DNAJB6: variants seen among roughly 807,000 people sequenced by gnomAD.
DNAJB6 encodes DnaJ heat shock protein family (Hsp40) member B6.
A neutral mutation model predicts 42.7 loss-of-function variants in DNAJB6; 16 were observed. The observed-to-expected ratio is 0.37, with a 90% CI of 0.25 to 0.57. The LOEUF (loss-of-function observed/expected upper bound fraction) is 0.57. Ranked by LOEUF, DNAJB6 falls within the 20% of genes least tolerant of loss-of-function variation. The pLI, the probability that DNAJB6 is intolerant of heterozygous loss-of-function variation, is 0.74. For missense variants in DNAJB6, 347 were observed against 416.8 expected, an observed-to-expected ratio of 0.83 and a Z score of 1.46; for synonymous variants, 170 against 163.5, an observed-to-expected ratio of 1.04 and a Z score of -0.30.
chr7:157,351,667 AAAC>A (rs1015447270), intron 1 of DNAJB6, among the ~76,000 whole-genome samples: 27 of 150,758 alleles, frequency 1.8e-4, no homozygotes, highest in African/African-American at 6.4e-4. Context: ...ACAACAAAAA[AAAC>A]CACAAAACTT....
chr7:157,372,011 AGAG>A (rs1438672073), intron 5 of DNAJB6: 2 of 152,288 alleles, frequency 1.3e-5, no homozygotes, highest in Non-Finnish European at 2.9e-5. Flanking sequence ...CTGTAGCAAT[AGAG>A]GAGGAGTCCT....
chr7:157,380,192 G>A (rs1482132117), intron 5 of DNAJB6: 1 of 152,152 alleles, frequency 6.6e-6, no homozygotes, highest in African/African-American at 2.4e-5. Context: ...TATTTGTAAT[G>A]TTTGTTTCTT....
At chr7:157,361,081 C>T (rs546253146) in intron 2 of DNAJB6, among the ~76,000 whole-genome samples, 2 of 151,484 alleles carry the variant, frequency 1.3e-5, no homozygotes, top group African/African-American at 4.8e-5. Context: ...ATCATTTTTT[C>T]TCTTTTGTCT....
chr7:157,388,789 A>T lies in DNAJB6; in HGVS notation c.691+3178A>T, dbSNP rs1426478667. On this transcript the variant is annotated intron_variant, in intron 8 of 9. Transcript: ENST00000262177. ...CATCCTTTTGTCTGGAGGGCTCAAT[A>T]ATCTGTATTTTTGTCATCTCCTGTT... Among the ~76,000 whole-genome samples, 7 of 152,020 alleles carry T rather than the reference A, an allele frequency of 4.6e-5. No homozygotes were observed. The East Asian group carries it at 1.3e-3, about 29-fold the overall frequency.
Position 157,382,373 on chromosome 7 carries a change from T to A in DNAJB6, c.474T>A (p.Asp158Glu). 1 of 1,608,848 alleles carries A rather than the reference T, an allele frequency of 6.2e-7. No individual in the cohort carries two copies. The change falls in exon 6 of 10, where the codon GAT (aspartate) becomes GAA (glutamate). Residue 158 changes from aspartate (D) to glutamate (E), a missense_variant. Asp to Glu is a conservative substitution (Grantham distance 45, BLOSUM62 2). Coordinates refer to ENST00000262177, the MANE Select transcript of DNAJB6 (RefSeq NM_058246.4). ...PSFGSGFSSF[D>E]TGFTSFGSLG... ...TTGGAAGTGGATTTTCTTCTTTTGATACAGGTATTAAATCCCTAGGTTTAA... is the reference window on the plus strand; with the variant it reads ...TTGGAAGTGGATTTTCTTCTTTTGAAACAGGTATTAAATCCCTAGGTTTAA...
At chr7:157,366,658 A>G in intron 4 of DNAJB6, 97 bp downstream of exon 4, 1 of 1,137,356 alleles carries the variant, frequency 8.8e-7, no homozygotes, top group Non-Finnish European at 1.3e-6. Context: ...ATTTTGTATC[A>G]GTAAATAGAG....
chr7:157,410,316 T>A (rs1795929447), intron 9 of DNAJB6: 1 of 520,656 alleles, frequency 1.9e-6, no homozygotes. Flanking sequence ...TGCCTTTTCG[T>A]AGCTTTCAGC....
chr7:157,377,546 A>G (rs966387938), intron 5 of DNAJB6, among the ~76,000 whole-genome samples: 4 of 152,066 alleles, frequency 2.6e-5, no homozygotes, highest in Non-Finnish European at 4.4e-5. Flanking sequence ...TCTAACCCTC[A>G]CCACTGTGGA....
chr7:157,412,204 G>A (rs1438538700), intron 9 of DNAJB6: 2 of 152,212 alleles, frequency 1.3e-5, no homozygotes, highest in Non-Finnish European at 2.9e-5. Flanking sequence ...CTGCAGAGTT[G>A]GAGACAGAAC....
intron 2 of DNAJB6, 95 bp from the exon 3 acceptor site, chr7:157,363,066 C>T: frequency 1.3e-6 from 1 of 779,508 alleles, no homozygotes; most frequent in Non-Finnish European, 2.1e-6. Context: ...CAGTTGGCAG[C>T]TCTGAAGCCA....
rs138052511 is a variant in DNAJB6 at position 157,376,554 on chromosome 7, C to T, written c.347-5692C>T. ...CTCAGGAGTCCCAAGAACATGTGTC[C>T]AAGTGGTCAGGGTGCAGCTTGGTTT... On this transcript the variant is annotated intron_variant, in intron 5 of 9. Transcript: ENST00000262177. Among the ~76,000 whole-genome samples, 12 of 152,228 alleles carry T rather than the reference C, an allele frequency of 7.9e-5. No individual in the cohort carries two copies. The Middle Eastern group carries it at 0.01, about 129-fold the overall frequency.
chr7:157,406,435 G>A (rs774975049), intron 8 of DNAJB6, among the ~76,000 whole-genome samples: 1 of 152,248 alleles, frequency 6.6e-6, no homozygotes, highest in Non-Finnish European at 1.5e-5. Flanking sequence ...GCTGGGGCCA[G>A]AAGGGTTTTT....
chr7:157,347,718 A>G (rs1798758915), intron 1 of DNAJB6, among the ~76,000 whole-genome samples: 1 of 152,052 alleles, frequency 6.6e-6, no homozygotes, highest in Non-Finnish European at 1.5e-5. Context: ...TAGTAAACTA[A>G]TTAAGCATCA....
chr7:157,398,746 C>G (rs1053490322), intron 8 of DNAJB6, among the ~76,000 whole-genome samples: 2 of 152,126 alleles, frequency 1.3e-5, no homozygotes. Flanking sequence ...TGTAACCAGC[C>G]TACATTTTAG....
intron 8 of DNAJB6, among the ~76,000 whole-genome samples, chr7:157,397,961 G>T (rs773049138): frequency 2.0e-5 from 3 of 152,262 alleles, no homozygotes; most frequent in African/African-American, 2.4e-5. Flanking sequence ...GCAGTGAGCT[G>T]AGATGGCGCC....
At chr7:157,372,353 G>C (rs1800255119) in intron 5 of DNAJB6, 1 of 153,124 alleles carries the variant, frequency 6.5e-6, no homozygotes, top group South Asian at 2.1e-4. Flanking sequence ...CTTCAGCGAG[G>C]AGCTGGGGCT....
At chr7:157,352,018 CA>C (rs959292435) in intron 1 of DNAJB6, among the ~76,000 whole-genome samples, 149 of 150,472 alleles carry the variant, frequency 9.9e-4, no homozygotes, top group African/African-American at 3.6e-3. Context: ...AACAAACAAA[CA>C]AAAAAACAAA....
At chr7:157,405,943 G>T (rs539909995) in intron 8 of DNAJB6, among the ~76,000 whole-genome samples, 8 of 152,382 alleles carry the variant, frequency 5.2e-5, no homozygotes, top group African/African-American at 1.9e-4. Flanking sequence ...CACAGTGCAG[G>T]TTAGAACCTT....
chr7:157,408,299 G>A (rs1011058559), intron 8 of DNAJB6, among the ~76,000 whole-genome samples: 3 of 152,206 alleles, frequency 2.0e-5, no homozygotes, highest in Non-Finnish European at 2.9e-5. Flanking sequence ...CCAAAATCAC[G>A]TTTCTGTGTT....
Sources: allele counts gnomAD v4.1 joint callset (sites outside exome capture counted in the v4.1 genomes callset), GRCh38; gene constraint gnomAD v4.1.1; transcripts MANE v1.5; gene names NCBI Gene and HGNC (gene_info 2026-07-23, HGNC 2026-07-21).